The following SPPL3 variants were observed in gnomAD, a reference collection of about 807,000 sequenced individuals.
SPPL3 encodes signal peptide peptidase like 3.
A neutral mutation model predicts 42.4 loss-of-function variants in SPPL3; 5 were observed. The ratio of observed to expected loss-of-function variants is 0.12; its 90% CI spans 0.06 to 0.25. SPPL3 has a LOEUF of 0.25. Ranked by LOEUF, SPPL3 falls within the 10% of genes least tolerant of loss-of-function variation. The pLI is 1.00. For missense variants in SPPL3, 235 were observed against 489.0 expected, an observed-to-expected ratio of 0.48 and a Z score of 4.90; for synonymous variants, 195 against 181.8, an observed-to-expected ratio of 1.07 and a Z score of -0.58.
At chr12:120,817,569 C>T (rs1184459146) in intron 1 of SPPL3, among the ~76,000 whole-genome samples, 2 of 152,140 alleles carry the variant, frequency 1.3e-5, no homozygotes, top group African/African-American at 4.8e-5. Context: ...GGTAGCAACT[C>T]TGGTTCGTTT....
chr12:120,840,495 T>C (rs1871782755), intron 1 of SPPL3, among the ~76,000 whole-genome samples: 1 of 152,000 alleles, frequency 6.6e-6, no homozygotes, highest in South Asian at 2.1e-4. Flanking sequence ...TGAATGTTCA[T>C]GTGTATGGGT....
At chr12:120,874,541 T>C (rs2137052093) in intron 1 of SPPL3, among the ~76,000 whole-genome samples, 1 of 151,192 alleles carries the variant, frequency 6.6e-6, no homozygotes, top group African/African-American at 2.4e-5. Context: ...TTGTGTAACA[T>C]AACATACAAA....
intron 1 of SPPL3, among the ~76,000 whole-genome samples, chr12:120,829,956 T>G (rs561122127): frequency 6.7e-6 from 1 of 149,356 alleles, no homozygotes; most frequent in Non-Finnish European, 1.5e-5. Flanking sequence ...ATCGCACCAT[T>G]GCACTCCAGG....
At chr12:120,900,810 C>T (rs981833770) in intron 1 of SPPL3, among the ~76,000 whole-genome samples, 2 of 151,054 alleles carry the variant, frequency 1.3e-5, no homozygotes, top group Admixed American at 6.6e-5. Context: ...TGGTCCCAGC[C>T]ACCTGCAGGG....
chr12:120,870,777 G>C (rs1872895736), intron 1 of SPPL3, among the ~76,000 whole-genome samples: 1 of 152,146 alleles, frequency 6.6e-6, no homozygotes, highest in Non-Finnish European at 1.5e-5. Context: ...CCTAGCTAGA[G>C]CAGTCAAATT....
chr12:120,807,284 A>G (rs1870529167), intron 2 of SPPL3, among the ~76,000 whole-genome samples: 6 of 152,190 alleles, frequency 3.9e-5, no homozygotes, highest in Admixed American at 6.5e-5. Flanking sequence ...GAAAGCCCTT[A>G]CCTGTCACCG....
chr12:120,786,335 G>A (rs926460117), intron 3 of SPPL3, among the ~76,000 whole-genome samples: 3 of 152,170 alleles, frequency 2.0e-5, no homozygotes, highest in African/African-American at 7.2e-5. Context: ...GTTTTTAAAT[G>A]TAAGTGCTCT....
chr12:120,886,917 C>T (rs1487814865), intron 1 of SPPL3, among the ~76,000 whole-genome samples: 1 of 151,926 alleles, frequency 6.6e-6, no homozygotes, highest in African/African-American at 2.4e-5. Context: ...AGATCTTGTA[C>T]TAAAAAAAGT....
At chr12:120,901,860 CGTGT>C in intron 1 of SPPL3, 1 of 981,844 alleles carries the variant, frequency 1.0e-6, no homozygotes, top group Non-Finnish European at 1.2e-6. Flanking sequence ...AGAGAGAGGT[CGTGT>C]GTGTCCAACC....
intron 1 of SPPL3, among the ~76,000 whole-genome samples, chr12:120,871,024 G>A (rs1400644144): frequency 6.7e-6 from 1 of 150,018 alleles, no homozygotes; most frequent in African/African-American, 2.4e-5. Flanking sequence ...CAGTTATTCG[G>A]GAGGCTGAGA....
intron 3 of SPPL3, among the ~76,000 whole-genome samples, chr12:120,789,697 C>T (rs1424318035): frequency 4.0e-5 from 6 of 150,662 alleles, no homozygotes; most frequent in Non-Finnish European, 7.4e-5. Context: ...TGGTGGCGAG[C>T]GCCTGTAATC....
intron 6 of SPPL3, among the ~76,000 whole-genome samples, chr12:120,776,394 T>C (rs1444635500): frequency 2.6e-5 from 4 of 152,304 alleles, no homozygotes; most frequent in South Asian, 2.1e-4. Flanking sequence ...GGGACTCGCA[T>C]TGTAAAACAG....
intron 5 of SPPL3, 65 bp downstream of exon 5, chr12:120,783,609 C>A (rs143290173): frequency 7.1e-6 from 10 of 1,408,626 alleles, no homozygotes; most frequent in Non-Finnish European, 9.7e-6. Flanking sequence ...CCTAATAATG[C>A]TATCAAATAT....
chr12:120,852,437 G>A (rs373223624), intron 1 of SPPL3, among the ~76,000 whole-genome samples: 1 of 10,728 alleles, frequency 9.3e-5, no homozygotes, highest in African/African-American at 2.1e-4. Flanking sequence ...TTTTACATAT[G>A]AAATATATGT....
chr12:120,852,988 G>A (rs1486342195), intron 1 of SPPL3, among the ~76,000 whole-genome samples: 2 of 151,100 alleles, frequency 1.3e-5, no homozygotes, highest in Non-Finnish European at 1.5e-5. Context: ...TCCACCTCTT[G>A]GGTTCAAGCG....
At chr12:120,830,793 T>C (rs1455099066) in intron 1 of SPPL3, among the ~76,000 whole-genome samples, 1 of 152,066 alleles carries the variant, frequency 6.6e-6, no homozygotes, top group African/African-American at 2.4e-5. Flanking sequence ...TTTGTGACCC[T>C]AGAAGGAAGC....
At chr12:120,857,874 A>G (rs1438611903) in intron 1 of SPPL3, among the ~76,000 whole-genome samples, 2 of 152,180 alleles carry the variant, frequency 1.3e-5, no homozygotes, top group African/African-American at 4.8e-5. Flanking sequence ...GGGGCTTAAT[A>G]CCTCGGTGAT....
intron 2 of SPPL3, among the ~76,000 whole-genome samples, chr12:120,806,001 C>CTTTTT (rs397710393): frequency 3.0e-5 from 4 of 132,964 alleles, no homozygotes; most frequent in Non-Finnish European, 4.8e-5. Flanking sequence ...TCCCTGCAGG[C>CTTTTT]TTTTTTTTTT....
chr12:120,886,253 T>C (rs146902387), intron 1 of SPPL3, among the ~76,000 whole-genome samples: 25 of 152,284 alleles, frequency 1.6e-4, no homozygotes, highest in African/African-American at 5.3e-4. Flanking sequence ...TGTCTCTAAA[T>C]TGTCTTAATT....
Sources: allele counts gnomAD v4.1 joint callset (sites outside exome capture counted in the v4.1 genomes callset), GRCh38; gene constraint gnomAD v4.1.1; transcripts MANE v1.5; gene names NCBI Gene and HGNC (gene_info 2026-07-23, HGNC 2026-07-21).